ZNF627: variants seen among roughly 807,000 people sequenced by gnomAD.
ZNF627 encodes the protein zinc finger protein 627.
In ZNF627, 12 loss-of-function variants were observed where a neutral mutation model predicts 10.6. That is an observed-to-expected ratio of 1.13 (90% CI 0.73 to 1.84). The LOEUF is 1.84. Among genes scored for constraint, ZNF627 ranks in the 40% most tolerant of loss-of-function variants. ZNF627 has a pLI of 0.00. For synonymous variants in ZNF627, 176 were observed against 187.1 expected, an observed-to-expected ratio of 0.94 and a Z score of 0.48; for missense variants, 504 against 568.4, an observed-to-expected ratio of 0.89 and a Z score of 1.15.
At chr19:11,607,073 C>T (rs965661341) in intron 1 of ZNF627, among the ~76,000 whole-genome samples, 2 of 152,282 alleles carry the variant, frequency 1.3e-5, no homozygotes, top group Non-Finnish European at 2.9e-5. Flanking sequence ...TAACATTTGG[C>T]TTCTCGTTAC....
In ZNF627 at chr19:11,609,556, G is replaced by A. The variant is rs150805962; in HGVS notation, c.4-4971G>A. On this transcript the variant is annotated intron_variant, in intron 1 of 3. Transcript: ENST00000361113. ...CCCCGAGACTGAGTCTTGCCCTGTC[G>A]CCCAGAGCTGGAGTGCAATGGCATG... Among the ~76,000 whole-genome samples, 128 of 130,712 alleles carry A rather than the reference G, an allele frequency of 9.8e-4. 1 individual carries two copies. Among genetic ancestry groups the A allele is most frequent in the Middle Eastern group, 0.01 (2 of 196 alleles). 85.8% of individuals were successfully genotyped at this position (130,712 alleles called of 152,430 possible).
Position 11,617,225 on chromosome 19 carries a change from A to C in ZNF627, c.722A>C (p.His241Pro). The change falls in exon 4 of 4, where the codon CAT (histidine) becomes CCT (proline). Residue 241 changes from histidine (H) to proline (P), a missense_variant. His to Pro is a moderately conservative substitution (Grantham distance 77). Transcript: ENST00000361113. ...AFSCSSYIRI[H>P]ERTHTGDKPY... ...AGTTGTTCCAGTTACATTAGAATAC[A>C]TGAAAGGACTCACACTGGAGATAAA... The C allele has an allele frequency of 6.2e-7, 1 of 1,613,920 alleles. No individual in the cohort carries two copies. The highest frequency in any genetic ancestry group is 8.5e-7 in the Non-Finnish European group (1 of 1,179,984).
chr19:11,617,408 C>A lies in ZNF627; in HGVS notation c.905C>A (p.Thr302Asn), dbSNP rs1372778288. 2 of 1,613,928 alleles carry A rather than the reference C, an allele frequency of 1.2e-6. No homozygotes were observed. The highest frequency in any genetic ancestry group is 1.7e-6 in the Non-Finnish European group (2 of 1,180,022). ...GTTCGAAGTCACGAGAGGACTCACA[C>A]CGGAGAGAAACTTTTTGAATGTAAG... ...SSVRSHERTH[T>N]GEKLFECKEC... The change falls in exon 4 of 4, where the codon ACC (threonine) becomes AAC (asparagine). Residue 302 changes from threonine to asparagine, a missense_variant. Thr to Asn is a moderately conservative substitution (Grantham distance 65, BLOSUM62 0). Transcript: ENST00000361113.
intron 1 of ZNF627, among the ~76,000 whole-genome samples, chr19:11,609,471 T>TTATATATATATATATATATA (rs1168205815): frequency 2.2e-4 from 12 of 53,994 alleles, no homozygotes; most frequent in South Asian, 1.0e-3. Context: ...TTAAAAAATT[T>TTATATATATATATATATATA]TATATATATA....
chr19:11,614,008 G>T (rs969504223), intron 1 of ZNF627, among the ~76,000 whole-genome samples: 3 of 143,682 alleles, frequency 2.1e-5, no homozygotes, highest in African/African-American at 7.8e-5. Flanking sequence ...TGCAAGCTTC[G>T]CCTTCTGGGT....
intron 1 of ZNF627, among the ~76,000 whole-genome samples, chr19:11,606,441 C>T (rs1973676534): frequency 6.6e-6 from 1 of 152,208 alleles, no homozygotes; most frequent in Non-Finnish European, 1.5e-5. Flanking sequence ...GCACCTCTGC[C>T]CCTGTGGCTT....
chr19:11,613,978 G>T (rs867817071), intron 1 of ZNF627, among the ~76,000 whole-genome samples: 2 of 143,646 alleles, frequency 1.4e-5, no homozygotes, highest in Middle Eastern at 3.8e-3. Context: ...CTGGAGTGCA[G>T]TGGTGCAATC....
In ZNF627 at chr19:11,617,031, T is replaced by C. The variant is rs771976484; in HGVS notation, c.528T>C (p.Phe176=). 4 of 1,613,956 alleles carry C rather than the reference T, an allele frequency of 2.5e-6. No homozygotes were observed. The highest frequency in any genetic ancestry group is 3.4e-6 in the Non-Finnish European group (4 of 1,179,982). ...PYDCKECGET[F]ISLVSIRRHM... ...ATTGTAAGGAATGTGGAGAAACCTT[T>C]ATTTCTCTTGTAAGCATTCGAAGAC... The change falls in exon 4 of 4, where the codon TTT becomes TTC. Residue 176 remains phenylalanine (F), a synonymous_variant. Coordinates refer to ENST00000361113, the MANE Select transcript of ZNF627 (RefSeq NM_145295.4).
rs573622915 is a variant in ZNF627 at position 11,617,833 on chromosome 19, G to C, written c.1330G>C (p.Glu444Gln). Residue 444 changes from glutamate (E) to glutamine (Q), a missense_variant, in exon 4 of 4, where the codon GAG becomes CAG. Coordinates refer to ENST00000361113, the MANE Select transcript of ZNF627 (RefSeq NM_145295.4). ...FRVHEKIHTG[E>Q]KPYENPNPNA... The stretch of plus-strand genomic sequence containing the variant: ...AGTACATGAAAAAATTCATACTGGA[G>C]AGAAACCCTATGAGAACCCTAACCC... The C allele has an allele frequency of 6.2e-7, 1 of 1,601,246 alleles. No individual in the cohort carries two copies. The highest frequency in any genetic ancestry group is 1.1e-5 in the South Asian group (1 of 89,090).
At chr19:11,610,290 TC>T (rs1973752358) in intron 1 of ZNF627, among the ~76,000 whole-genome samples, 1 of 152,122 alleles carries the variant, frequency 6.6e-6, no homozygotes. Context: ...TATCCTAATT[TC>T]TGAAAGAAAT....
intron 1 of ZNF627, among the ~76,000 whole-genome samples, chr19:11,610,649 A>T (rs144710495): frequency 4.6e-4 from 70 of 152,204 alleles, no homozygotes; most frequent in Admixed American, 1.8e-3. Flanking sequence ...TAGAGTATAT[A>T]TTCAGGGCAA....
At chr19:11,610,848 T>C (rs995225764) in intron 1 of ZNF627, among the ~76,000 whole-genome samples, 1 of 152,194 alleles carries the variant, frequency 6.6e-6, no homozygotes, top group Admixed American at 6.6e-5. Context: ...GAACTCTTTG[T>C]TGAAATATTT....
In ZNF627 at chr19:11,616,128, C is replaced by T. The variant is rs530799098; in HGVS notation, c.192-567C>T. On this transcript the variant is annotated intron_variant, in intron 3 of 3. Coordinates refer to ENST00000361113, the MANE Select transcript of ZNF627 (RefSeq NM_145295.4). ...ATCTTGGCTCACTGCACCTCTGCCT[C>T]CTGGGTTCAAGCAATTCTCCTGCCT... Among the ~76,000 whole-genome samples, 76 of 151,378 alleles carry T rather than the reference C, an allele frequency of 5.0e-4. 1 individual carries two copies. Among genetic ancestry groups the T allele is most frequent in the African/African-American group, 1.7e-3 (69 of 41,196 alleles).
rs1568445178 is a variant in ZNF627, at chr19:11,617,398, A to G, written c.895A>G (p.Arg299Gly). The G allele has an allele frequency of 1.2e-6, 2 of 1,614,060 alleles. No individual in the cohort carries two copies. Among genetic ancestry groups the G allele is most frequent in the South Asian group, 1.1e-5 (1 of 91,090 alleles). ...CGCCAGTTCTGTTCGAAGTCACGAGAGGACTCACACCGGAGAGAAACTTTT... is the reference window on the plus strand; with the variant it reads ...CGCCAGTTCTGTTCGAAGTCACGAGGGGACTCACACCGGAGAGAAACTTTT... ...RCASSVRSHE[R>G]THTGEKLFEC... Residue 299 changes from arginine (R) to glycine (G), a missense_variant, in exon 4 of 4, where the codon AGG becomes GGG. Coordinates refer to ENST00000361113, the MANE Select transcript of ZNF627 (RefSeq NM_145295.4).
At chr19:11,612,024 A>G (rs1015439550) in intron 1 of ZNF627, among the ~76,000 whole-genome samples, 9 of 144,954 alleles carry the variant, frequency 6.2e-5, no homozygotes, top group Non-Finnish European at 1.1e-4. Flanking sequence ...AATTTTTACT[A>G]TTTTCTTCTA....
At position 11,617,608 on chromosome 19, in the gene ZNF627, G is replaced by A. The variant is rs754552570; in HGVS notation, c.1105G>A (p.Gly369Arg). The change falls in exon 4 of 4, where the codon GGG (glycine) becomes AGG (arginine). Residue 369 changes from glycine (G) to arginine (R), a missense_variant. By Grantham distance (125) the Gly-to-Arg change is moderately radical (BLOSUM62 -2). Coordinates refer to ENST00000361113, the MANE Select transcript of ZNF627 (RefSeq NM_145295.4). ...GAAACCCTATGATTGTAAGCAATGT[G>A]GGAAAGCCTTCAGTTGTTCCAGTTC... The part of the protein sequence containing the change: ...GEKPYDCKQC[G>R]KAFSCSSSFR... The A allele has an allele frequency of 1.8e-5, 29 of 1,613,780 alleles. No homozygotes were observed. Among genetic ancestry groups the A allele is most frequent in the Middle Eastern group, 3.3e-4 (2 of 6,062 alleles).
chr19:11,597,766 T>G (rs1973515805), intron 1 of ZNF627, 136 bp downstream of exon 1: 1 of 977,962 alleles, frequency 1.0e-6, no homozygotes, highest in Non-Finnish European at 1.4e-6. Context: ...GGCCGCAAGG[T>G]GGGGCTGGGC....
chr19:11,605,486 T>A (rs1973658987), intron 1 of ZNF627, among the ~76,000 whole-genome samples: 1 of 151,820 alleles, frequency 6.6e-6, no homozygotes, highest in Admixed American at 6.6e-5. Context: ...AACTTACAAG[T>A]ATGGTGGAAG....
intron 1 of ZNF627, among the ~76,000 whole-genome samples, chr19:11,610,204 CT>C (rs1315516891): frequency 6.6e-6 from 1 of 151,910 alleles, no homozygotes; most frequent in Non-Finnish European, 1.5e-5. Context: ...CAGAAAAGGT[CT>C]TTTCTGGAAA....
Sources: gnomAD v4.1 joint callset for allele counts (sites outside exome capture counted in the v4.1 genomes callset) on GRCh38, gnomAD v4.1.1 for gene constraint, MANE v1.5 for transcripts, NCBI Gene and HGNC (gene_info 2026-07-23, HGNC 2026-07-21) for gene names.